The following FHIT variants were observed in gnomAD, a reference collection of about 807,000 sequenced individuals.
FHIT encodes bis(5'-adenosyl)-triphosphatase.
Under a neutral mutation model 17.9 loss-of-function variants are expected in FHIT, and 19 were observed. The ratio of observed to expected loss-of-function variants is 1.06; its 90% CI spans 0.74 to 1.56. The LOEUF (loss-of-function observed/expected upper bound fraction) is 1.56, where lower values mean the gene tolerates loss of function less well. Ranked by LOEUF, FHIT falls within the 40% of genes most tolerant of loss-of-function variation. FHIT has a pLI of 0.00. For missense variants in FHIT, 248 were observed against 189.2 expected (o/e 1.31, Z -1.82); for synonymous variants, 81 against 69.7 (o/e 1.16, Z -0.81).
chr3:60,148,296 A>C (rs1275702889), intron 5 of FHIT, among the ~76,000 whole-genome samples: 1 of 152,222 alleles, frequency 6.6e-6, no homozygotes, highest in African/African-American at 2.4e-5. Context: ...ATGTGGTAAT[A>C]GTCTTTCAAA....
intron 2 of FHIT, among the ~76,000 whole-genome samples, chr3:61,061,691 A>G (rs1433566081): frequency 6.6e-6 from 1 of 152,080 alleles, no homozygotes; most frequent in Non-Finnish European, 1.5e-5. Context: ...TAACTTCCAC[A>G]TGACATTGTC....
At chr3:60,082,239 C>G (rs1576057476) in intron 5 of FHIT, among the ~76,000 whole-genome samples, 1 of 124,288 alleles carries the variant, frequency 8.0e-6, no homozygotes, top group Non-Finnish European at 1.7e-5. Context: ...GTTTTCTGTT[C>G]CTGTGTTAAT....
intron 5 of FHIT, among the ~76,000 whole-genome samples, chr3:60,121,086 T>C (rs993870040): frequency 3.3e-5 from 5 of 152,160 alleles, no homozygotes; most frequent in Non-Finnish European, 5.9e-5. Context: ...TAAAAAACTT[T>C]TTTTAAATCA....
At chr3:61,219,819 G>A (rs899740988) in intron 1 of FHIT, among the ~76,000 whole-genome samples, 13 of 152,094 alleles carry the variant, frequency 8.5e-5, no homozygotes, top group Non-Finnish European at 7.4e-5. Context: ...CTCAATCCAT[G>A]GATCCAAACC....
chr3:60,567,858 C>T (rs1006251133), intron 4 of FHIT, among the ~76,000 whole-genome samples: 2 of 152,028 alleles, frequency 1.3e-5, no homozygotes, highest in South Asian at 2.1e-4. Flanking sequence ...GTGAAAAAAA[C>T]GCTCATCATC....
chr3:60,542,623 A>G lies in FHIT; in HGVS notation c.-17-5644T>C, dbSNP rs1016993266. Reference sequence around the variant, plus strand: ...CTTTCATATTGCTTTCCTCCCTTCAATTTTCTAATTTTGTAGAGTCCCTTG... The same window carrying G: ...CTTTCATATTGCTTTCCTCCCTTCAGTTTTCTAATTTTGTAGAGTCCCTTG... On this transcript the variant is annotated intron_variant, in intron 4 of 9. Transcript: ENST00000492590. Among the ~76,000 whole-genome samples the G allele has an allele frequency of 3.3e-5, 5 of 151,916 alleles. No individual in the cohort carries two copies. The South Asian group carries it at 6.2e-4, about 19-fold the overall frequency.
At position 61,245,798 on chromosome 3, in the gene FHIT, C is replaced by G. The variant is rs986684119; in HGVS notation, c.-213+5503G>C. ...CATCAAGCTAATTAATATGCACTAC[C>G]TCAAATACGTATTTATTTGTGGTGA... On this transcript the variant is annotated intron_variant, in intron 1 of 9. Coordinates refer to ENST00000492590, the MANE Select transcript of FHIT (RefSeq NM_002012.4). Among the ~76,000 whole-genome samples, 6 of 152,118 alleles carry G rather than the reference C, an allele frequency of 3.9e-5. No homozygotes were observed. The South Asian group carries it at 6.2e-4, about 16-fold the overall frequency.
chr3:60,291,470 G>T (rs1394290998), intron 5 of FHIT, among the ~76,000 whole-genome samples: 1 of 151,912 alleles, frequency 6.6e-6, no homozygotes, highest in East Asian at 1.9e-4. Flanking sequence ...AAAAAGGGAA[G>T]ATGGAGCCTC....
chr3:60,923,008 C>T (rs1376934567), intron 3 of FHIT, among the ~76,000 whole-genome samples: 1 of 152,200 alleles, frequency 6.6e-6, no homozygotes, highest in Non-Finnish European at 1.5e-5. Flanking sequence ...AAACATCTTG[C>T]TTCATTGGCC....
chr3:59,980,645 C>G (rs180776843), intron 7 of FHIT, among the ~76,000 whole-genome samples: 102 of 152,270 alleles, frequency 6.7e-4, no homozygotes, highest in Non-Finnish European at 6.3e-4. Flanking sequence ...CCAAGGATAG[C>G]TTGTCCCACA....
At chr3:60,869,265 G>A (rs1406998235) in intron 3 of FHIT, among the ~76,000 whole-genome samples, 2 of 152,100 alleles carry the variant, frequency 1.3e-5, no homozygotes, top group Non-Finnish European at 2.9e-5. Flanking sequence ...GTATTAGTAA[G>A]TCTCTTCAGT....
At chr3:60,404,234 G>T (rs2107200726) in intron 5 of FHIT, among the ~76,000 whole-genome samples, 1 of 152,208 alleles carries the variant, frequency 6.6e-6, no homozygotes, top group East Asian at 1.9e-4. Context: ...AAAATGCCAA[G>T]AACCTGGACA....
chr3:60,443,917 G>C (rs1192015217), intron 5 of FHIT, among the ~76,000 whole-genome samples: 1 of 152,022 alleles, frequency 6.6e-6, no homozygotes, highest in Admixed American at 6.6e-5. Flanking sequence ...CCTACAGAAT[G>C]GGAGAAAATT....
intron 5 of FHIT, among the ~76,000 whole-genome samples, chr3:60,121,221 T>G (rs896386238): frequency 4.5e-4 from 68 of 151,364 alleles, no homozygotes; most frequent in African/African-American, 1.6e-3. Flanking sequence ...AACATTATTA[T>G]TAGTAGTAAT....
At chr3:61,048,804 G>A (rs2033913523) in intron 2 of FHIT, among the ~76,000 whole-genome samples, 2 of 152,242 alleles carry the variant, frequency 1.3e-5, no homozygotes. Context: ...CATAAAAAAT[G>A]ATGAGTTCAT....
intron 5 of FHIT, among the ~76,000 whole-genome samples, chr3:60,156,595 TTTTTAAATTAGC>T (rs1700706556): frequency 6.6e-6 from 1 of 151,572 alleles, no homozygotes; most frequent in African/African-American, 2.4e-5. Flanking sequence ...TAAAAATTTT[TTTTTAAATTAGC>T]CGGCCATAAT....
chr3:59,807,469 C>T (rs1700248065), intron 8 of FHIT, among the ~76,000 whole-genome samples: 1 of 152,120 alleles, frequency 6.6e-6, no homozygotes, highest in Non-Finnish European at 1.5e-5. Context: ...TTTGGAAGCC[C>T]TCTTGTCTTC....
chr3:60,071,095 C>A (rs1702749040), intron 5 of FHIT, among the ~76,000 whole-genome samples: 2 of 152,284 alleles, frequency 1.3e-5, no homozygotes, highest in South Asian at 4.1e-4. Flanking sequence ...CTAGCACTGT[C>A]TTCCTTGCTT....
chr3:59,763,921 G>A (rs537509186), intron 8 of FHIT, among the ~76,000 whole-genome samples: 1 of 152,318 alleles, frequency 6.6e-6, no homozygotes, highest in South Asian at 2.1e-4. Flanking sequence ...GAAGACGAGA[G>A]ACTGAATGAT....
Sources: gnomAD v4.1 joint callset for allele counts (sites outside exome capture counted in the v4.1 genomes callset) on GRCh38, gnomAD v4.1.1 for gene constraint, MANE v1.5 for transcripts, NCBI Gene and HGNC (gene_info 2026-07-23, HGNC 2026-07-21) for gene names.